The following DMXL2 variants were observed in gnomAD, a reference collection of about 807,000 sequenced individuals.
The protein encoded by DMXL2 is Dmx like 2.
A neutral mutation model predicts 331.1 loss-of-function variants in DMXL2; 103 were observed. That is an observed-to-expected ratio of 0.31 (90% CI 0.27 to 0.37). DMXL2 has a LOEUF of 0.37. Ranked by LOEUF, DMXL2 falls within the 10% of genes least tolerant of loss-of-function variation. DMXL2 has a pLI of 1.00. For synonymous variants in DMXL2, 1,281 were observed against 1,252.1 expected, an observed-to-expected ratio of 1.02 and a Z score of -0.49; for missense variants, 3,171 against 3,642.9, an observed-to-expected ratio of 0.87 and a Z score of 3.33.
At chr15:51,588,957 T>C (rs560121466) in intron 1 of DMXL2, among the ~76,000 whole-genome samples, 1 of 152,302 alleles carries the variant, frequency 6.6e-6, no homozygotes, top group Non-Finnish European at 1.5e-5. Context: ...GATTAAATAA[T>C]CCAGTGTGCA....
At chr15:51,507,324 C>T in intron 15 of DMXL2, 71 bp from the exon 16 acceptor site, 1 of 1,391,492 alleles carries the variant, frequency 7.2e-7, no homozygotes, top group South Asian at 1.4e-5. Flanking sequence ...TTTTTAAAAG[C>T]TACCACCACC....
intron 6 of DMXL2, among the ~76,000 whole-genome samples, chr15:51,554,816 G>A (rs565758733): frequency 6.6e-6 from 1 of 152,280 alleles, no homozygotes; most frequent in Non-Finnish European, 1.5e-5. Flanking sequence ...AAAAGCTTTT[G>A]ACGGTTTTGT....
rs1449515121 is a variant in DMXL2 at position 51,464,699 on chromosome 15, A to G, written c.7784T>C (p.Leu2595Pro). ...CTTGAATGGGGTATTTTCAGGTTCT[A>G]GCATTGCTTTATTTCGAAGAATAGC... ...GPAILRNKAM[L>P]EPENTPFKSR... is the part of the protein sequence containing the mutation. The change falls in exon 32 of 44, where the codon CTA (leucine) becomes CCA (proline). Residue 2595 changes from leucine to proline, a missense_variant. Around this residue, in one of 7 missense-constraint regions of DMXL2, gnomAD observed 766 missense variants for 940.5 expected, o/e 0.81. Coordinates refer to ENST00000560891, the MANE Select transcript of DMXL2 (RefSeq NM_001378457.1). The G allele has an allele frequency of 6.2e-7, 1 of 1,613,928 alleles. No individual in the cohort carries two copies. The highest frequency in any genetic ancestry group is 8.5e-7 in the Non-Finnish European group (1 of 1,179,958).
chr15:51,485,729 G>A (rs1023725126), intron 23 of DMXL2, among the ~76,000 whole-genome samples: 1 of 151,912 alleles, frequency 6.6e-6, no homozygotes, highest in African/African-American at 2.4e-5. Flanking sequence ...AGGATAACAA[G>A]GAAAAAAGAA....
chr15:51,465,708 C>G, intron 30 of DMXL2, 57 bp from the exon 31 acceptor site: 1 of 1,278,160 alleles, frequency 7.8e-7, no homozygotes, highest in Non-Finnish European at 1.1e-6. Context: ...ATGGGAGAAA[C>G]AGAGTGGTGT....
chr15:51,480,782 A>G lies in DMXL2; in HGVS notation c.6324T>C (p.Asp2108=), dbSNP rs764140083. 2 of 1,602,866 alleles carry G rather than the reference A, an allele frequency of 1.2e-6. No homozygotes were observed. The highest frequency in any genetic ancestry group is 3.4e-5 in the Admixed American group (2 of 59,122). The part of the protein sequence containing the change: ...SSKTYSKVES[D]LLDQEEMVDK... The stretch of plus-strand genomic sequence containing the variant: ...CTACCATTTCTTCCTGATCCAGCAG[A>G]TCACTCTCTACTTTGGAATATGTCT... The change falls in exon 24 of 44, where the codon GAT becomes GAC. Residue 2108 remains aspartate (D), a synonymous_variant. Coordinates refer to ENST00000560891, the MANE Select transcript of DMXL2 (RefSeq NM_001378457.1).
intron 1 of DMXL2, among the ~76,000 whole-genome samples, chr15:51,594,400 C>A (rs960575444): frequency 4.6e-5 from 7 of 152,096 alleles, no homozygotes; most frequent in African/African-American, 9.7e-5. Flanking sequence ...CAATAACAGG[C>A]TCTGAAATTG....
At chr15:51,556,422 A>G (rs1038200462) in intron 6 of DMXL2, among the ~76,000 whole-genome samples, 5 of 151,006 alleles carry the variant, frequency 3.3e-5, no homozygotes, top group African/African-American at 1.2e-4. Flanking sequence ...TGAAGTTGGG[A>G]TTGTTCCAGG....
chr15:51,538,466 A>C lies in DMXL2; in HGVS notation c.1106-14T>G. ...CATTTGGAATATCTGTGGAAATAAA[A>C]GAGATTTCAATATAATTTTTTTTAT... On this transcript the variant is annotated splice_polypyrimidine_tract_variant and intron_variant, in intron 9 of 43. Transcript: ENST00000560891. The C allele has an allele frequency of 6.4e-7, 1 of 1,558,322 alleles. No homozygotes were observed. The highest frequency in any genetic ancestry group is 8.7e-7 in the Non-Finnish European group (1 of 1,154,216).
chr15:51,614,441 T>C (rs973853598), intron 1 of DMXL2, among the ~76,000 whole-genome samples: 2 of 152,196 alleles, frequency 1.3e-5, no homozygotes, highest in Non-Finnish European at 2.9e-5. Flanking sequence ...AAAGCACCAC[T>C]GAGGAAAATT....
At chr15:51,450,463 A>T (rs1403655861) in intron 42 of DMXL2, 117 bp from the exon 43 acceptor site, 1 of 988,594 alleles carries the variant, frequency 1.0e-6, no homozygotes, top group Non-Finnish European at 1.5e-6. Context: ...TCTAAGGTAC[A>T]TTTATTGTTT....
At position 51,456,182 on chromosome 15, in the gene DMXL2, C is replaced by T. The variant is rs984805593; in HGVS notation, c.8410G>A (p.Ala2804Thr). ...HPVHQYYLTG[A>T]QDGSVRMFEW... ...AACATTCGTACACTGCCGTCCTGAG[C>T]ACCTGTAAGATCTGAAACACAAGAG... The change falls in exon 39 of 44, where the codon GCT (alanine) becomes ACT (threonine). Residue 2804 changes from alanine (A) to threonine (T), a missense_variant. Physicochemically the swap from Ala to Thr is moderately conservative, Grantham distance 58. This residue lies in a region of DMXL2 where 766 missense variants were observed against 940.5 expected (regional missense o/e 0.81). Coordinates refer to ENST00000560891, the MANE Select transcript of DMXL2 (RefSeq NM_001378457.1). 1 of 1,613,492 alleles carries T rather than the reference C, an allele frequency of 6.2e-7. No homozygotes were observed. Among genetic ancestry groups the T allele is most frequent in the Non-Finnish European group, 8.5e-7 (1 of 1,179,870 alleles).
chr15:51,610,670 A>T (rs925866663), intron 1 of DMXL2, among the ~76,000 whole-genome samples: 9 of 152,040 alleles, frequency 5.9e-5, no homozygotes, highest in Non-Finnish European at 1.3e-4. Flanking sequence ...TGGGAGGCTA[A>T]GGCAGGAGAA....
Position 51,456,376 on chromosome 15 carries a change from AAG to A in DMXL2, c.8338-9_8338-8del, listed in dbSNP as rs764791362. The A allele has an allele frequency of 5.8e-6, 9 of 1,557,400 alleles. No individual in the cohort carries two copies. The East Asian group carries it at 1.3e-4, about 23-fold the overall frequency. Reference sequence around the variant, plus strand: ...GTAGATTCCTTTTCATAAGCTTTAAAAGAAAATTTTAAAAATTTTATTTTGTG... The same window carrying A: ...GTAGATTCCTTTTCATAAGCTTTAAAAAAATTTTAAAAATTTTATTTTGTG... On this transcript the variant is annotated splice_region_variant and splice_polypyrimidine_tract_variant and intron_variant, in intron 37 of 43. Coordinates refer to ENST00000560891, the MANE Select transcript of DMXL2 (RefSeq NM_001378457.1).
rs375734227 is a variant in DMXL2, at chr15:51,472,875, G to C, written c.7213+1469C>G. On this transcript the variant is annotated intron_variant, in intron 28 of 43. Coordinates refer to ENST00000560891, the MANE Select transcript of DMXL2 (RefSeq NM_001378457.1). ...CTATTCTCCACAAAGCAGCTAGAGC[G>C]GTTCTGTTGAAAAGCTGAATCAGAT... Among the ~76,000 whole-genome samples the C allele has an allele frequency of 3.3e-5, 5 of 152,178 alleles. No individual in the cohort carries two copies. In the South Asian group the frequency reaches 1.0e-3, roughly 32 times the overall value.
chr15:51,536,401 C>T lies in DMXL2; in HGVS notation c.2079G>A (p.Met693Ile), dbSNP rs2048289738. ...WDSDNKLSRLMDPVKHIKGSS... is the reference protein window; with the variant it reads ...WDSDNKLSRLIDPVKHIKGSS... The stretch of plus-strand genomic sequence containing the variant: ...AACCTTTTATATGTTTTACAGGGTC[C>T]ATTAATCTACTTAATTTATTGTCTG... Residue 693 changes from methionine (M) to isoleucine (I), a missense_variant, in exon 12 of 44, where the codon ATG (methionine) becomes ATA (isoleucine). Around this residue, in one of 7 missense-constraint regions of DMXL2, gnomAD observed 1,674 missense variants for 1,780.2 expected, o/e 0.94. Transcript: ENST00000560891. 6.2e-7 allele frequency: 1 copy of T among 1,613,590 alleles called. No homozygotes were observed. The highest frequency in any genetic ancestry group is 8.5e-7 in the Non-Finnish European group (1 of 1,179,844).
intron 6 of DMXL2, among the ~76,000 whole-genome samples, chr15:51,559,444 G>A (rs1354242669): frequency 6.6e-6 from 1 of 152,222 alleles, no homozygotes; most frequent in Non-Finnish European, 1.5e-5. Flanking sequence ...GCCAGGCACA[G>A]TGGCTCACGC....
intron 13 of DMXL2, among the ~76,000 whole-genome samples, chr15:51,522,337 G>T (rs2047423533): frequency 1.3e-5 from 2 of 152,126 alleles, no homozygotes; most frequent in Non-Finnish European, 2.9e-5. Context: ...AACATTAGGA[G>T]TATCTCCAAT....
rs2049934892 is a variant in DMXL2 at position 51,561,019 on chromosome 15, C to CT, written c.567+2361dup. On this transcript the variant is annotated intron_variant, in intron 6 of 43. Coordinates refer to ENST00000560891, the MANE Select transcript of DMXL2 (RefSeq NM_001378457.1). The stretch of plus-strand genomic sequence containing the variant: ...AAAAAAAATCAGAGAATTTTAAAAC[C>CT]TCTTAAAAATTAAAAATTTAATAGC... 2.0e-5 allele frequency among the ~76,000 whole-genome samples: 3 copies of CT among 150,884 alleles called. No individual in the cohort carries two copies. In the South Asian group the frequency reaches 6.3e-4, roughly 32 times the overall value.
Sources: gnomAD v4.1 joint callset for allele counts (sites outside exome capture counted in the v4.1 genomes callset) on GRCh38, gnomAD v4.1.1 for gene constraint, gnomAD v4.1.1 regional missense constraint, MANE v1.5 for transcripts, NCBI Gene and HGNC (gene_info 2026-07-23, HGNC 2026-07-21) for gene names.